Variants in MEX3D observed in about 807,000 individuals in gnomAD.
MEX3D encodes RNA-binding protein MEX3D.
A neutral mutation model predicts 6.3 loss-of-function variants in MEX3D; 4 were observed. The ratio of observed to expected loss-of-function variants is 0.64; its 90% confidence interval spans 0.31 to 1.46. The LOEUF (loss-of-function observed/expected upper bound fraction) is 1.46. Ranked by LOEUF, MEX3D falls within the 40% of genes most tolerant of loss-of-function variation. The pLI is 0.07. For missense variants in MEX3D, 1,038 were observed against 994.4 expected (o/e 1.04, Z -0.59); for synonymous variants, 626 against 494.1 (o/e 1.27, Z -3.54).
chr19:1,560,791 A>T (rs188482841), intron 1 of MEX3D, among the ~76,000 whole-genome samples: 127 of 152,236 alleles, frequency 8.3e-4, no homozygotes, highest in African/African-American at 2.8e-3. Flanking sequence ...ACGGAGCTGG[A>T]GCTCAATTCA....
chr19:1,557,528 T>C (rs1438002469), intron 1 of MEX3D, among the ~76,000 whole-genome samples: 4 of 132,796 alleles, frequency 3.0e-5, no homozygotes, highest in Admixed American at 8.2e-5. Context: ...ATTGCACCAC[T>C]GCACCCCAGC....
At position 1,556,483 on chromosome 19, in the gene MEX3D, T is replaced by C; in HGVS notation, c.1036A>G (p.Thr346Ala). 1 of 1,602,826 alleles carries C rather than the reference T, an allele frequency of 6.2e-7. No homozygotes were observed. Among genetic ancestry groups the C allele is most frequent in the South Asian group, 1.1e-5 (1 of 90,906 alleles). ...AHITLRTGAF[T>A]DAGPDSDFHA... ...AAGTCGCTGTCGGGGCCCGCGTCGGTGAAGGCGCCAGTGCGCAGCGTGATG... is the reference window on the plus strand; with the variant it reads ...AAGTCGCTGTCGGGGCCCGCGTCGGCGAAGGCGCCAGTGCGCAGCGTGATG... Residue 346 changes from threonine to alanine, a missense_variant, in exon 2 of 2, where the codon ACC becomes GCC. Thr to Ala is a moderately conservative substitution (Grantham distance 58, BLOSUM62 0). Coordinates refer to ENST00000402693, the MANE Select transcript of MEX3D (RefSeq NM_203304.4). The surrounding 1 kb of genome is among the most constrained non-coding windows in gnomAD (Gnocchi z 7.5).
At chr19:1,564,550 A>T (rs1280076803) in intron 1 of MEX3D, among the ~76,000 whole-genome samples, 1 of 151,800 alleles carries the variant, frequency 6.6e-6, no homozygotes, top group Non-Finnish European at 1.5e-5. Flanking sequence ...AAAAAAAAAA[A>T]AGATATAGCA....
Position 1,567,788 on chromosome 19 carries a change from C to A in MEX3D, c.271G>T (p.Gly91Trp). 2.1e-6 allele frequency: 2 copies of A among 965,812 alleles called. No homozygotes were observed. Among genetic ancestry groups the A allele is most frequent in the Non-Finnish European group, 1.2e-6 (1 of 812,216 alleles). The allele number at this position is 965,812 out of a possible 1,614,324, so 59.8% of individuals were successfully genotyped here. A position where few individuals can be genotyped will look rare whatever the true frequency, so the allele number is the denominator to read the frequency against. ...GGAGCCGCCCCGCCGTCCGCGCCCC[C>A]CGCCGCCGCTGCGCCGTCCCCGGCC... ...GAAGDGAAAA[G>W]GADGGAAPEP... Residue 91 changes from glycine (G) to tryptophan (W), a missense_variant, in exon 1 of 2, where the codon GGG (glycine) becomes TGG (tryptophan). Around this residue, in one of 5 missense-constraint regions of MEX3D, gnomAD observed 265 missense variants for 206.3 expected, o/e 1.28. Coordinates refer to ENST00000402693, the MANE Select transcript of MEX3D (RefSeq NM_203304.4). The surrounding 1 kb of genome is among the most constrained non-coding windows in gnomAD (Gnocchi z 6.5).
At chr19:1,565,596 G>C (rs552519952) in intron 1 of MEX3D, among the ~76,000 whole-genome samples, 2 of 152,300 alleles carry the variant, frequency 1.3e-5, no homozygotes, top group South Asian at 4.1e-4. Context: ...CCCTAATGGA[G>C]GTGAGACGTC....
intron 1 of MEX3D, among the ~76,000 whole-genome samples, chr19:1,565,043 C>G (rs370547577): frequency 6.6e-6 from 1 of 152,062 alleles, no homozygotes; most frequent in Admixed American, 6.6e-5. Context: ...CCTGGCAACG[C>G]GCACTCCACT....
intron 1 of MEX3D, among the ~76,000 whole-genome samples, chr19:1,562,322 C>T (rs900725659): frequency 5.5e-5 from 8 of 145,490 alleles, no homozygotes; most frequent in East Asian, 2.0e-4. Flanking sequence ...GTCAGGAGTT[C>T]GAGACCAGAC....
chr19:1,561,372 A>T (rs1432278363), intron 1 of MEX3D, among the ~76,000 whole-genome samples: 1 of 152,192 alleles, frequency 6.6e-6, no homozygotes, highest in Admixed American at 6.5e-5. Flanking sequence ...GGCGAGAACA[A>T]GGCCTCACAG....
intron 1 of MEX3D, among the ~76,000 whole-genome samples, chr19:1,565,728 C>T (rs1599328999): frequency 6.6e-6 from 1 of 152,204 alleles, no homozygotes; most frequent in South Asian, 2.1e-4. Context: ...CTGACGGCCA[C>T]CAGCAAGAGC....
chr19:1,556,200 C>T lies in MEX3D; in HGVS notation c.1319G>A (p.Gly440Asp), dbSNP rs1007373000. 7 of 1,442,794 alleles carry T rather than the reference C, an allele frequency of 4.9e-6. No individual in the cohort carries two copies. The highest frequency in any genetic ancestry group is 5.5e-6 in the Non-Finnish European group (6 of 1,098,028). 89.4% of individuals were successfully genotyped at this position (1,442,794 alleles called of 1,614,324 possible). A position where few individuals can be genotyped will look rare whatever the true frequency, so the allele number is the denominator to read the frequency against. ...GGFAFGAEGP[G>D]APVGTAAPDD... ...GGGGGCGGCCGTCCCCACCGGGGCA[C>T]CGGGACCCTCCGCGCCGAAGGCGAA... Residue 440 changes from glycine (G) to aspartate (D), a missense_variant, in exon 2 of 2, where the codon GGT becomes GAT. Physicochemically the swap from Gly to Asp is moderately conservative, Grantham distance 94. Around this residue, in one of 5 missense-constraint regions of MEX3D, gnomAD observed 581 missense variants for 516.2 expected, o/e 1.13. Transcript: ENST00000402693. The surrounding 1 kb of genome is among the most constrained non-coding windows in gnomAD (Gnocchi z 7.5).
rs977230705 is a variant in MEX3D, at chr19:1,555,115, C to G, written c.*448G>C. The G allele has an allele frequency of 1.6e-5, 5 of 319,446 alleles. No homozygotes were observed. The highest frequency in any genetic ancestry group is 2.3e-5 in the African/African-American group (1 of 43,416). The allele number at this position is 319,446 out of a possible 1,614,324, so 19.8% of individuals were successfully genotyped here. Reference sequence around the variant, plus strand: ...AGGGAGTAAAAATGTCACCCTCCTCCTCTGGAACGTCTGTGCGGCCTGAGA... The same window carrying G: ...AGGGAGTAAAAATGTCACCCTCCTCGTCTGGAACGTCTGTGCGGCCTGAGA... On this transcript the variant is annotated 3_prime_UTR_variant, in exon 2 of 2. Transcript: ENST00000402693.
chr19:1,558,762 C>CA (rs1914645284), intron 1 of MEX3D, among the ~76,000 whole-genome samples: 1 of 152,244 alleles, frequency 6.6e-6, no homozygotes, highest in African/African-American at 2.4e-5. Context: ...CAGACGCCCG[C>CA]ACCCTGACTC....
chr19:1,566,454 G>T (rs972705534), intron 1 of MEX3D, among the ~76,000 whole-genome samples: 3 of 152,148 alleles, frequency 2.0e-5, no homozygotes, highest in Admixed American at 2.0e-4. Flanking sequence ...GGATTCCCGA[G>T]GGCCCCGGGG....
chr19:1,567,401 C>A lies in MEX3D; in HGVS notation c.595+63G>T. 1.3e-6 allele frequency: 2 copies of A among 1,481,832 alleles called. No individual in the cohort carries two copies. The highest frequency in any genetic ancestry group is 1.8e-6 in the Non-Finnish European group (2 of 1,120,522). The allele number at this position is 1,481,832 out of a possible 1,614,324, so 91.8% of individuals were successfully genotyped here. On this transcript the variant is annotated intron_variant, in intron 1 of 1. Transcript: ENST00000402693. The surrounding 1 kb of genome is among the most constrained non-coding windows in gnomAD (Gnocchi z 6.5). ...GGGCTGGGCTGGGCTCGGGCGACCC[C>A]CTTCCCCGGGGCGGACGGTGCGGGG...
chr19:1,561,973 C>T (rs1914728913), intron 1 of MEX3D, among the ~76,000 whole-genome samples: 1 of 151,892 alleles, frequency 6.6e-6, no homozygotes, highest in African/African-American at 2.4e-5. Context: ...AAAAATTAGC[C>T]AGGTGTGGCC....
chr19:1,559,965 T>G (rs1273327362), intron 1 of MEX3D, among the ~76,000 whole-genome samples: 1 of 152,184 alleles, frequency 6.6e-6, no homozygotes, highest in Non-Finnish European at 1.5e-5. Context: ...TTCTGTACAG[T>G]CCGGTGTCCC....
intron 1 of MEX3D, among the ~76,000 whole-genome samples, chr19:1,564,879 G>A (rs998189843): frequency 1.3e-5 from 2 of 152,148 alleles, no homozygotes; most frequent in Non-Finnish European, 2.9e-5. Context: ...GGGGCACAAA[G>A]GACATTGAAA....
chr19:1,567,331 G>A lies in MEX3D; in HGVS notation c.595+133C>T, dbSNP rs896968896. ...ACAAAGGCGCAAAGGCAGCGGCCGAGGCCGGAGCCCACGCGGGGCGTGTCC... is the reference window on the plus strand; with the variant it reads ...ACAAAGGCGCAAAGGCAGCGGCCGAAGCCGGAGCCCACGCGGGGCGTGTCC... On this transcript the variant is annotated intron_variant, in intron 1 of 1. Coordinates refer to ENST00000402693, the MANE Select transcript of MEX3D (RefSeq NM_203304.4). The surrounding 1 kb of genome is among the most constrained non-coding windows in gnomAD (Gnocchi z 6.5). 3 of 1,077,982 alleles carry A rather than the reference G, an allele frequency of 2.8e-6. No homozygotes were observed. The highest frequency in any genetic ancestry group is 3.6e-6 in the Non-Finnish European group (3 of 824,246). The allele number at this position is 1,077,982 out of a possible 1,614,324, so 66.8% of individuals were successfully genotyped here.
intron 1 of MEX3D, among the ~76,000 whole-genome samples, chr19:1,562,708 A>C (rs1914749999): frequency 6.6e-6 from 1 of 151,738 alleles, no homozygotes; most frequent in African/African-American, 2.4e-5. Flanking sequence ...AAAAACAACA[A>C]AACAAAACAA....
Sources: gnomAD v4.1 joint callset for allele counts (sites outside exome capture counted in the v4.1 genomes callset) on GRCh38, gnomAD v4.1.1 for gene constraint, gnomAD v4.1.1 regional missense constraint, Gnocchi (gnomAD v3.1) non-coding constraint, MANE v1.5 for transcripts, NCBI Gene and HGNC (gene_info 2026-07-23, HGNC 2026-07-21) for gene names.